Variants in GRID1 observed in about 807,000 individuals in gnomAD.
GRID1 encodes the protein glutamate ionotropic receptor delta type subunit 1, also known as glutamate receptor ionotropic, delta-1.
GRID1 carries 28 observed loss-of-function variants against 98.0 expected under a neutral mutation model. The observed-to-expected ratio is 0.29, with a 90% CI of 0.21 to 0.39. The LOEUF (loss-of-function observed/expected upper bound fraction) is 0.39, where lower values mean the gene tolerates loss of function less well. Among genes scored for constraint, GRID1 ranks in the 10% least tolerant of loss-of-function variants. The pLI is 1.00. For missense variants in GRID1, 1,111 were observed against 1,340.5 expected (o/e 0.83, Z 2.67); for synonymous variants, 553 against 538.5 (o/e 1.03, Z -0.37).
At chr10:86,139,091 T>C in intron 3 of GRID1, 67 bp from the exon 4 acceptor site, 1 of 1,096,634 alleles carries the variant, frequency 9.1e-7, no homozygotes, top group Non-Finnish European at 1.4e-6. Context: ...CGGGAGGGTG[T>C]CTAACTGCAA....
At chr10:85,755,189 C>T (rs888075221) in intron 8 of GRID1, among the ~76,000 whole-genome samples, 1 of 152,156 alleles carries the variant, frequency 6.6e-6, no homozygotes, top group Non-Finnish European at 1.5e-5. Flanking sequence ...CAAACTTGCG[C>T]AAGCATTTCA....
intron 2 of GRID1, among the ~76,000 whole-genome samples, chr10:86,208,809 C>T (rs1001746706): frequency 2.0e-5 from 3 of 152,220 alleles, no homozygotes; most frequent in African/African-American, 7.2e-5. Flanking sequence ...TGCAAGAACA[C>T]CATGCAAGAA....
chr10:85,996,931 T>A (rs1842746635), intron 4 of GRID1, among the ~76,000 whole-genome samples: 1 of 151,376 alleles, frequency 6.6e-6, no homozygotes, highest in Admixed American at 6.6e-5. Context: ...ATCTATAGAT[T>A]TAAGAAGTTC....
At chr10:86,364,356 C>T (rs760307646) in intron 1 of GRID1, among the ~76,000 whole-genome samples, 31 of 152,310 alleles carry the variant, frequency 2.0e-4, no homozygotes, top group Non-Finnish European at 2.9e-4. Flanking sequence ...AGGCTGCCAC[C>T]AGGTCACACA....
At chr10:86,113,296 C>A (rs1844517804) in intron 4 of GRID1, among the ~76,000 whole-genome samples, 1 of 152,180 alleles carries the variant, frequency 6.6e-6, no homozygotes, top group African/African-American at 2.4e-5. Flanking sequence ...ACCTCTCTGA[C>A]CCCACCATGC....
At chr10:86,217,849 C>G (rs745515900) in intron 2 of GRID1, among the ~76,000 whole-genome samples, 1 of 152,048 alleles carries the variant, frequency 6.6e-6, no homozygotes, top group Non-Finnish European at 1.5e-5. Context: ...TCTGAGGAAC[C>G]GGAGCCTGCA....
Position 85,874,557 on chromosome 10 carries a change from T to A in GRID1, c.781-5377A>T, listed in dbSNP as rs956517649. On this transcript the variant is annotated intron_variant, in intron 5 of 15. Transcript: ENST00000327946. ...TCCACTGAGTTGGTTCTCTTGCATG[T>A]TAATTTGTGGGAATATATTTTTTTA... 3.3e-5 allele frequency among the ~76,000 whole-genome samples: 5 copies of A among 152,346 alleles called. No individual in the cohort carries two copies. The East Asian group carries it at 5.8e-4, about 18-fold the overall frequency.
intron 4 of GRID1, among the ~76,000 whole-genome samples, chr10:86,085,327 A>G (rs1844035941): frequency 6.6e-6 from 1 of 152,114 alleles, no homozygotes; most frequent in African/African-American, 2.4e-5. Flanking sequence ...CATTCCGTGG[A>G]CCTCCAGTGC....
intron 8 of GRID1, among the ~76,000 whole-genome samples, chr10:85,823,609 G>T (rs1211354799): frequency 6.6e-6 from 1 of 151,748 alleles, no homozygotes; most frequent in Non-Finnish European, 1.5e-5. Flanking sequence ...GTCCAATACT[G>T]ATAATATATT....
chr10:85,959,684 T>C (rs1469490751), intron 4 of GRID1, among the ~76,000 whole-genome samples: 2 of 152,224 alleles, frequency 1.3e-5, no homozygotes, highest in Admixed American at 6.5e-5. Flanking sequence ...TTGAGATTCA[T>C]CTTTGTCACT....
At chr10:85,978,713 T>C (rs180958197) in intron 4 of GRID1, among the ~76,000 whole-genome samples, 10 of 152,324 alleles carry the variant, frequency 6.6e-5, no homozygotes, top group African/African-American at 2.2e-4. Flanking sequence ...TGAGCTCTTA[T>C]TCAAATTAGA....
intron 4 of GRID1, among the ~76,000 whole-genome samples, chr10:86,114,944 T>C (rs1479493125): frequency 6.6e-6 from 1 of 152,182 alleles, no homozygotes; most frequent in Non-Finnish European, 1.5e-5. Flanking sequence ...CAGGTAAGAA[T>C]CCACCTCTCT....
At chr10:85,766,223 C>T (rs925081667) in intron 8 of GRID1, among the ~76,000 whole-genome samples, 3 of 152,228 alleles carry the variant, frequency 2.0e-5, no homozygotes, top group Non-Finnish European at 2.9e-5. Context: ...CAGTGGCTCA[C>T]GCCTATAATC....
intron 4 of GRID1, among the ~76,000 whole-genome samples, chr10:85,984,319 T>C (rs114680988): frequency 2.6e-4 from 39 of 152,290 alleles, no homozygotes; most frequent in African/African-American, 8.9e-4. Flanking sequence ...CTAGACTCTC[T>C]CCAGATTAAG....
chr10:85,837,135 G>T (rs547554948), intron 8 of GRID1, among the ~76,000 whole-genome samples: 1 of 151,668 alleles, frequency 6.6e-6, no homozygotes, highest in East Asian at 2.0e-4. Context: ...GTGGCACACA[G>T]CCAGGAAGCC....
chr10:85,604,114 A>G (rs2132502519), intron 15 of GRID1, among the ~76,000 whole-genome samples: 1 of 152,196 alleles, frequency 6.6e-6, no homozygotes, highest in South Asian at 2.1e-4. Context: ...CAAAGGGTCA[A>G]CTCAGTGTTC....
chr10:86,180,665 A>G (rs1845642801), intron 3 of GRID1, among the ~76,000 whole-genome samples: 1 of 152,126 alleles, frequency 6.6e-6, no homozygotes. Flanking sequence ...GCTCCACAAA[A>G]GGCTCCCTCT....
chr10:86,340,785 C>G (rs724862), intron 2 of GRID1, among the ~76,000 whole-genome samples: 38,283 of 152,142 alleles, frequency 0.25, 5,588 homozygotes, highest in South Asian at 0.45. Context: ...AAAGAGGGAG[C>G]AGAGCAACTG....
intron 12 of GRID1, among the ~76,000 whole-genome samples, chr10:85,652,410 T>A (rs931714134): frequency 2.0e-5 from 3 of 152,344 alleles, no homozygotes; most frequent in South Asian, 2.1e-4. Flanking sequence ...AAAACGGATT[T>A]CAACAACGGT....
Sources: allele counts gnomAD v4.1 joint callset (sites outside exome capture counted in the v4.1 genomes callset), GRCh38; gene constraint gnomAD v4.1.1; transcripts MANE v1.5; gene names NCBI Gene and HGNC (gene_info 2026-07-23, HGNC 2026-07-21).